Variants in DGKI observed in about 807,000 individuals in gnomAD.
DGKI encodes DAG kinase iota.
In DGKI, 55 loss-of-function variants were observed where a neutral mutation model predicts 147.5. The observed-to-expected ratio is 0.37, with a 90% CI of 0.30 to 0.47. DGKI has a LOEUF of 0.47. Ranked by LOEUF, DGKI falls within the 20% of genes least tolerant of loss-of-function variation. DGKI has a pLI of 1.00. For synonymous variants in DGKI, 469 were observed against 477.1 expected (o/e 0.98, Z 0.22); for missense variants, 1,007 against 1,323.8 (o/e 0.76, Z 3.71).
Position 137,846,383 on chromosome 7 carries a change from G to T in DGKI, c.401+79C>A. The T allele has an allele frequency of 1.0e-6, 1 of 987,108 alleles. No individual in the cohort carries two copies. Among genetic ancestry groups the T allele is most frequent in the Non-Finnish European group, 1.4e-6 (1 of 733,680 alleles). 61.1% of individuals were successfully genotyped at this position (987,108 alleles called of 1,614,324 possible). A position where few individuals can be genotyped will look rare whatever the true frequency, so the allele number is the denominator to read the frequency against. The stretch of plus-strand genomic sequence containing the variant: ...GAAACAGAGAGGTGCCCAACTCCGC[G>T]GAAGCGCCCCTTGCTGGGTAGAAGA... On this transcript the variant is annotated intron_variant, in intron 1 of 32. Coordinates refer to ENST00000614521, the MANE Select transcript of DGKI (RefSeq NM_001321708.2). This position sits in a 1 kb window ranked among gnomAD's most constrained non-coding sequence, Gnocchi z 4.0.
At chr7:137,758,491 G>A (rs2351856) in intron 1 of DGKI, among the ~76,000 whole-genome samples, 54,899 of 151,880 alleles carry the variant, frequency 0.36, 10,158 homozygotes, top group Middle Eastern at 0.46. Context: ...TTTGAGACTA[G>A]CCTGGCCAAC....
chr7:137,831,761 C>T (rs1448042212), intron 1 of DGKI, among the ~76,000 whole-genome samples: 2 of 152,200 alleles, frequency 1.3e-5, no homozygotes, highest in Non-Finnish European at 2.9e-5. Flanking sequence ...CTCATTTCAG[C>T]ATTAACTCAA....
intron 1 of DGKI, among the ~76,000 whole-genome samples, chr7:137,830,959 C>T (rs1177689880): frequency 1.3e-5 from 2 of 152,100 alleles, no homozygotes; most frequent in African/African-American, 2.4e-5. Flanking sequence ...CTCATCTGTA[C>T]AATAGTGATA....
At chr7:137,723,902 G>C (rs1288993358) in intron 1 of DGKI, among the ~76,000 whole-genome samples, 1 of 151,742 alleles carries the variant, frequency 6.6e-6, no homozygotes, top group Admixed American at 6.6e-5. Context: ...TAGAGACGGG[G>C]TTTCACCATG....
rs1223073647 is a variant in DGKI, at chr7:137,567,309, T to G, written c.1947+3866A>C. 2.6e-5 allele frequency among the ~76,000 whole-genome samples: 4 copies of G among 151,516 alleles called. No individual in the cohort carries two copies. The East Asian group carries it at 7.7e-4, about 29-fold the overall frequency. ...TTAGAATATCACTATTTTGCAACCC[T>G]TAATGTTTCCTACATCCAGACATTG... On this transcript the variant is annotated intron_variant, in intron 19 of 32. Transcript: ENST00000614521.
intron 1 of DGKI, among the ~76,000 whole-genome samples, chr7:137,840,491 T>G (rs1798513953): frequency 6.6e-6 from 1 of 152,212 alleles, no homozygotes; most frequent in African/African-American, 2.4e-5. Flanking sequence ...TGGAAAGGGA[T>G]GAGACAGACA....
Position 137,846,542 on chromosome 7 carries a change from C to T in DGKI, c.321G>A (p.Ala107=), listed in dbSNP as rs1273271812. 1.3e-6 allele frequency: 2 copies of T among 1,547,620 alleles called. No homozygotes were observed. Among genetic ancestry groups the T allele is most frequent in the Non-Finnish European group, 1.7e-6 (2 of 1,150,642 alleles). The change falls in exon 1 of 33, where the codon GCG becomes GCA. Residue 107 remains alanine, a synonymous_variant. Coordinates refer to ENST00000614521, the MANE Select transcript of DGKI (RefSeq NM_001321708.2). This position sits in a 1 kb window ranked among gnomAD's most constrained non-coding sequence, Gnocchi z 4.0. The stretch of plus-strand genomic sequence containing the variant: ...CGTCCTTCTCCTTCTGGCCGGCGGC[C>T]GCGGGCTCGTCCAGGGCAGCGGCCC... ...AAGAAALDEP[A]AAGQKEKDEA... is the part of the protein sequence containing the mutation.
chr7:137,680,497 T>G (rs1178337542), intron 2 of DGKI, among the ~76,000 whole-genome samples: 1 of 152,210 alleles, frequency 6.6e-6, no homozygotes, highest in South Asian at 2.1e-4. Flanking sequence ...ATATACCAAA[T>G]GGCCAGGAGC....
chr7:137,675,683 C>CAAAAA (rs61282606), intron 3 of DGKI, among the ~76,000 whole-genome samples: 2 of 107,688 alleles, frequency 1.9e-5, no homozygotes, highest in Admixed American at 9.8e-5. Context: ...AGACTACATC[C>CAAAAA]AAAAAAAAAA....
At chr7:137,568,067 T>C (rs1425590786) in intron 19 of DGKI, among the ~76,000 whole-genome samples, 3 of 152,130 alleles carry the variant, frequency 2.0e-5, no homozygotes, top group African/African-American at 7.2e-5. Flanking sequence ...CATATAAATA[T>C]TTATCTTTAA....
At chr7:137,832,614 C>T (rs1563218734) in intron 1 of DGKI, among the ~76,000 whole-genome samples, 1 of 152,218 alleles carries the variant, frequency 6.6e-6, no homozygotes, top group Non-Finnish European at 1.5e-5. Context: ...GGCCGCTGGG[C>T]CTGTGATAGG....
At chr7:137,541,743 T>C (rs1175402779) in intron 20 of DGKI, among the ~76,000 whole-genome samples, 1 of 152,044 alleles carries the variant, frequency 6.6e-6, no homozygotes, top group Non-Finnish European at 1.5e-5. Context: ...GCACATCTCA[T>C]AGAAAAGAAC....
Position 137,761,501 on chromosome 7 carries a change from G to C in DGKI, c.402-71499C>G, listed in dbSNP as rs1795855296. Reference sequence around the variant, plus strand: ...AGTGCTCACTCAAAGAAAGTACACAGAAATCATTAATGACTATTTTCTTAC... The same window carrying C: ...AGTGCTCACTCAAAGAAAGTACACACAAATCATTAATGACTATTTTCTTAC... On this transcript the variant is annotated intron_variant, in intron 1 of 32. Coordinates refer to ENST00000614521, the MANE Select transcript of DGKI (RefSeq NM_001321708.2). 2.0e-5 allele frequency among the ~76,000 whole-genome samples: 3 copies of C among 152,180 alleles called. No individual in the cohort carries two copies. In the South Asian group the frequency reaches 6.2e-4, roughly 32 times the overall value.
intron 20 of DGKI, among the ~76,000 whole-genome samples, chr7:137,544,256 T>C (rs552388248): frequency 1.2e-4 from 18 of 152,198 alleles, no homozygotes; most frequent in Non-Finnish European, 2.6e-4. Flanking sequence ...GCTGTTAACA[T>C]TCTCAATTCT....
At chr7:137,642,929 AGTGTGTGTGTGTGTGTGTGTGTGT>A (rs1207086851) in intron 6 of DGKI, among the ~76,000 whole-genome samples, 4 of 121,172 alleles carry the variant, frequency 3.3e-5, no homozygotes, top group African/African-American at 1.3e-4. Context: ...ATTATGGAAT[AGTGTGTGTGTGTGTGTGTGTGTGT>A]GTGTGTGTGT....
intron 10 of DGKI, among the ~76,000 whole-genome samples, chr7:137,608,711 A>G (rs139088017): frequency 7.3e-4 from 111 of 152,310 alleles, no homozygotes; most frequent in African/African-American, 2.5e-3. Flanking sequence ...CTGTAAGGAA[A>G]AAGTCAGTAG....
At chr7:137,756,508 C>T (rs1003188057) in intron 1 of DGKI, among the ~76,000 whole-genome samples, 2 of 152,142 alleles carry the variant, frequency 1.3e-5, no homozygotes, top group Non-Finnish European at 2.9e-5. Context: ...GATCGGCAAA[C>T]AAAATCCAAT....
At chr7:137,472,128 T>C (rs1171946043) in intron 23 of DGKI, among the ~76,000 whole-genome samples, 1 of 124,104 alleles carries the variant, frequency 8.1e-6, no homozygotes, top group Non-Finnish European at 1.6e-5. Flanking sequence ...TAAATATATA[T>C]ACACATATAT....
rs143063721 is a variant in DGKI, at chr7:137,631,893, C to T, written c.805-8339G>A. On this transcript the variant is annotated intron_variant, in intron 6 of 32. Transcript: ENST00000614521. ...TATGATCTGCCAGAGGCCCAAAGGA[C>T]ACTCCATTTACCAAAGCAATAAGAA... is the stretch of plus-strand genomic sequence containing the variant. Among the ~76,000 whole-genome samples the T allele has an allele frequency of 4.0e-3, 616 of 152,294 alleles. 1 individual carries two copies. The highest frequency in any genetic ancestry group is 7.1e-3 in the Non-Finnish European group (480 of 68,030).
Sources: allele counts gnomAD v4.1 joint callset (sites outside exome capture counted in the v4.1 genomes callset), GRCh38; gene constraint gnomAD v4.1.1; non-coding constraint Gnocchi (gnomAD v3.1); transcripts MANE v1.5; gene names NCBI Gene and HGNC (gene_info 2026-07-23, HGNC 2026-07-21).